The following DCTN1 variants were observed in gnomAD, a reference collection of about 807,000 sequenced individuals.
DCTN1 encodes 150 kDa dynein-associated polypeptide.
In DCTN1, 61 loss-of-function variants were observed where a neutral mutation model predicts 161.2. That is an observed-to-expected ratio of 0.38 (90% CI 0.31 to 0.47). The LOEUF is 0.47. Ranked by LOEUF, DCTN1 falls within the 20% of genes least tolerant of loss-of-function variation. The pLI is 0.99. For missense variants in DCTN1, 1,404 were observed against 1,623.7 expected (o/e 0.86, Z 2.33); for synonymous variants, 653 against 632.4 (o/e 1.03, Z -0.49).
In DCTN1 at chr2:74,365,125, C is replaced by T. The variant is rs72659383; in HGVS notation, c.3146G>A (p.Arg1049Gln). ...AGCAATGCCTGAAGGAGGAGGGCCC[C>T]GGAGTCCCTCAATCGTGCGTTTGGA... ...SQSKRTIEGL[R>Q]GPPPSGIATL... Residue 1049 changes from arginine to glutamine, a missense_variant, in exon 26 of 32, where the codon CGG (arginine) becomes CAG (glutamine). By Grantham distance (43) the Arg-to-Gln change is conservative (BLOSUM62 1). Around this residue, in one of 9 missense-constraint regions of DCTN1, gnomAD observed 311 missense variants for 298.9 expected, o/e 1.04. Transcript: ENST00000628224. 1.5e-3 allele frequency: 2,376 copies of T among 1,614,142 alleles called. 1 individual carries two copies. Among genetic ancestry groups the T allele is most frequent in the Admixed American group, 2.3e-3 (137 of 60,010 alleles).
At chr2:74,371,238 C>T (rs572822201) in intron 8 of DCTN1, 62 bp from the exon 9 acceptor site, 73 of 1,607,888 alleles carry the variant, frequency 4.5e-5, no homozygotes, top group Admixed American at 1.8e-4. Flanking sequence ...CAACACTGAG[C>T]TGGCGCAAAG....
chr2:74,366,118 T>A lies in DCTN1; in HGVS notation c.2761-100A>T, dbSNP rs910409595. 2.0e-5 allele frequency: 32 copies of A among 1,611,392 alleles called. No homozygotes were observed. The African/African-American group carries it at 4.3e-4, about 22-fold the overall frequency. On this transcript the variant is annotated intron_variant, in intron 23 of 31. Transcript: ENST00000628224. Reference sequence around the variant, plus strand: ...ATCCAGTTACAGGGAAAACCCTGCCTTCTAGGCAGGATGGTGCTCTCCAGA... The same window carrying A: ...ATCCAGTTACAGGGAAAACCCTGCCATCTAGGCAGGATGGTGCTCTCCAGA...
At chr2:74,363,462 G>A (rs773673871) in intron 27 of DCTN1, 35 bp from the exon 28 acceptor site, 4 of 1,610,006 alleles carry the variant, frequency 2.5e-6, no homozygotes, top group African/African-American at 2.7e-5. Flanking sequence ...TCAGCCCCAA[G>A]TGGAAAGGGT....
In DCTN1 at chr2:74,366,276, C is replaced by A; in HGVS notation, c.2728G>T (p.Gly910Trp). ...MNKLATAMQE[G>W]EYDAERPPSK... ...GGGGGCCGCTCTGCATCATACTCCC[C>A]CTCCTGCATGGCTGTGGCCAGCTTG... Residue 910 changes from glycine (G) to tryptophan (W), a missense_variant, in exon 23 of 32, where the codon GGG (glycine) becomes TGG (tryptophan). Physicochemically the swap from Gly to Trp is radical, Grantham distance 184. This residue lies in a region of DCTN1 where 475 missense variants were observed against 489.8 expected (regional missense o/e 0.97). Coordinates refer to ENST00000628224, the MANE Select transcript of DCTN1 (RefSeq NM_004082.5). 1 of 1,614,220 alleles carries A rather than the reference C, an allele frequency of 6.2e-7. No homozygotes were observed. Among genetic ancestry groups the A allele is most frequent in the South Asian group, 1.1e-5 (1 of 91,084 alleles).
intron 30 of DCTN1, among the ~76,000 whole-genome samples, chr2:74,362,446 T>G (rs1447005358): frequency 6.6e-6 from 1 of 152,162 alleles, no homozygotes; most frequent in Non-Finnish European, 1.5e-5. Context: ...CTCTAAAGAT[T>G]ACCCTAGCTT....
intron 6 of DCTN1, chr2:74,373,331 G>GGCCCC: frequency 3.0e-6 from 1 of 332,514 alleles, no homozygotes. Context: ...CAGAGCCAGA[G>GGCCCC]GCCCCGCCCA....
chr2:74,370,589 C>T lies in DCTN1; in HGVS notation c.1048+32G>A, dbSNP rs199743558. On this transcript the variant is annotated intron_variant, in intron 10 of 31. Transcript: ENST00000628224. This position sits in a 1 kb window ranked among gnomAD's most constrained non-coding sequence, Gnocchi z 4.4. Reference sequence around the variant, plus strand: ...CTTTCAGGCATGGTTCTCACCTGACCGTTTGGCCCCCAGCAGCTGTGGGCC... The same window carrying T: ...CTTTCAGGCATGGTTCTCACCTGACTGTTTGGCCCCCAGCAGCTGTGGGCC... The T allele has an allele frequency of 7.2e-5, 117 of 1,613,924 alleles. No homozygotes were observed. Among genetic ancestry groups the T allele is most frequent in the South Asian group, 6.4e-4 (58 of 91,082 alleles).
intron 30 of DCTN1, 22 bp from the exon 31 acceptor site, chr2:74,362,163 C>T (rs1020205953): frequency 2.5e-6 from 4 of 1,610,542 alleles, no homozygotes; most frequent in Non-Finnish European, 3.4e-6. Flanking sequence ...GAGAGGAAGA[C>T]AAGGGTTCAT....
intron 5 of DCTN1, chr2:74,374,749 C>T: frequency 7.7e-6 from 9 of 1,162,732 alleles, no homozygotes; most frequent in Non-Finnish European, 9.7e-6. Context: ...CCTCAGTCAC[C>T]TAGCAACCAT....
Position 74,377,980 on chromosome 2 carries a change from C to T in DCTN1, c.279+20G>A, listed in dbSNP as rs759409312. The T allele has an allele frequency of 2.5e-6, 4 of 1,613,850 alleles. No homozygotes were observed. In the East Asian group the frequency reaches 6.7e-5, roughly 27 times the overall value. Reference sequence around the variant, plus strand: ...AGACATGTGCACACATGCACAGACACAAAAGAAGGGCGTGAATACCTGGGA... The same window carrying T: ...AGACATGTGCACACATGCACAGACATAAAAGAAGGGCGTGAATACCTGGGA... On this transcript the variant is annotated intron_variant, in intron 2 of 31. Coordinates refer to ENST00000628224, the MANE Select transcript of DCTN1 (RefSeq NM_004082.5).
At chr2:74,363,216 AG>A (rs1282723887) in intron 28 of DCTN1, 39 bp from the exon 29 acceptor site, 1 of 1,613,998 alleles carries the variant, frequency 6.2e-7, no homozygotes, top group South Asian at 1.1e-5. Flanking sequence ...AAGAGGTGCT[AG>A]GAGGCCCCTG....
chr2:74,391,834 G>A (rs995220471), exon 1 of DCTN1: 8 of 453,800 alleles, frequency 1.8e-5, no homozygotes, highest in Middle Eastern at 1.4e-3. Context: ...CGACCCCACC[G>A]ACGACCGACG....
Position 74,378,205 on chromosome 2 carries a change from C to T in DCTN1, c.74G>A (p.Arg25Gln), listed in dbSNP as rs138297224. The change falls in exon 2 of 32, where the codon CGG becomes CAG. Residue 25 changes from arginine (R) to glutamine (Q), a missense_variant. Arg to Gln is a conservative substitution (Grantham distance 43). Coordinates refer to ENST00000628224, the MANE Select transcript of DCTN1 (RefSeq NM_004082.5). The part of the protein sequence containing the change: ...GSRMSAEASA[R>Q]PLRVGSRVEV... ...TACACGGGAGCCCACCCGCAGAGGC[C>T]GGGCGCTTGCCTCCGCACTCATCCT... is the stretch of plus-strand genomic sequence containing the variant. 17 of 1,612,182 alleles carry T rather than the reference C, an allele frequency of 1.1e-5. No homozygotes were observed. Among genetic ancestry groups the T allele is most frequent in the South Asian group, 8.8e-5 (8 of 91,078 alleles).
In DCTN1 at chr2:74,368,068, G is replaced by A. The variant is rs1354375340; in HGVS notation, c.1918C>T (p.Pro640Ser). ...FELSENCSER[P>S]GLRGAAGEQL... ...TCCCCAGCAGCTCCTCGCAGCCCAG[G>A]CCGCTCTGAACAGTTCTCACTTAGT... The change falls in exon 17 of 32, where the codon CCT (proline) becomes TCT (serine). Residue 640 changes from proline (P) to serine (S), a missense_variant. Transcript: ENST00000628224. 6.2e-7 allele frequency: 1 copy of A among 1,611,738 alleles called. No individual in the cohort carries two copies. Among genetic ancestry groups the A allele is most frequent in the Admixed American group, 1.7e-5 (1 of 59,638 alleles).
rs775263197 is a variant in DCTN1 at position 74,365,157 on chromosome 2, G to A, written c.3114C>T (p.Asn1038=). 4 of 1,614,190 alleles carry A rather than the reference G, an allele frequency of 2.5e-6. No homozygotes were observed. The South Asian group carries it at 4.4e-5, about 18-fold the overall frequency. The change falls in exon 26 of 32, where the codon AAC becomes AAT. Residue 1038 remains asparagine, a synonymous_variant. Transcript: ENST00000628224. Reference sequence around the variant, plus strand: ...CCTCAATCGTGCGTTTGGACTGGCTGTTCAGACGCTGCTTTAGTTCTGCCT... The same window carrying A: ...CCTCAATCGTGCGTTTGGACTGGCTATTCAGACGCTGCTTTAGTTCTGCCT... The part of the protein sequence containing the change: ...AEKAELKQRL[N]SQSKRTIEGL...
chr2:74,372,770 C>A (rs1184357915), intron 7 of DCTN1, among the ~76,000 whole-genome samples, 158 bp downstream of exon 7: 1 of 152,198 alleles, frequency 6.6e-6, no homozygotes, highest in Non-Finnish European at 1.5e-5. Context: ...CCAGGAGGTG[C>A]CTGCCAGCAC....
rs370060938 is a variant in DCTN1, at chr2:74,365,606, A to G, written c.2938T>C (p.Leu980=). ...TCTGCATCCTTGGCAGCACTGTCCA[A>G]CTTCTTCTCCAGGAGGCTCAGCCGC... ...NVRLSLLEKK[L]DSAAKDADER... Residue 980 remains leucine, a synonymous_variant, in exon 25 of 32, where the codon TTG becomes CTG. Transcript: ENST00000628224. The G allele has an allele frequency of 3.7e-6, 6 of 1,613,882 alleles. No homozygotes were observed. The East Asian group carries it at 6.7e-5, about 18-fold the overall frequency.
In DCTN1 at chr2:74,366,892, T is replaced by C. The variant is rs752889408; in HGVS notation, c.2357A>G (p.Asp786Gly). 1.5e-5 allele frequency: 24 copies of C among 1,614,110 alleles called. No homozygotes were observed. The highest frequency in any genetic ancestry group is 1.6e-4 in the Middle Eastern group (1 of 6,084). The change falls in exon 21 of 32, where the codon GAT becomes GGT. Residue 786 changes from aspartate to glycine, a missense_variant. By Grantham distance (94) the Asp-to-Gly change is moderately conservative. Coordinates refer to ENST00000628224, the MANE Select transcript of DCTN1 (RefSeq NM_004082.5). ...EATDIALLLR[D>G]LETSCSDIRQ... ...GATGTCACTGCATGAAGTTTCCAGATCCCGGAGCAGGAGGGCAATATCTGT... is the reference window on the plus strand; with the variant it reads ...GATGTCACTGCATGAAGTTTCCAGACCCCGGAGCAGGAGGGCAATATCTGT...
chr2:74,383,724 A>G (rs1168245402), upstream of DCTN1: 1 of 152,268 alleles, frequency 6.6e-6, no homozygotes, highest in East Asian at 1.9e-4. Context: ...GCAGGCCTAC[A>G]TGGGCTCTGG....
Sources: allele counts gnomAD v4.1 joint callset (sites outside exome capture counted in the v4.1 genomes callset), GRCh38; gene constraint gnomAD v4.1.1; regional missense constraint gnomAD v4.1.1; non-coding constraint Gnocchi (gnomAD v3.1); transcripts MANE v1.5; gene names NCBI Gene and HGNC (gene_info 2026-07-23, HGNC 2026-07-21).